The following LARGE1 variants were observed in gnomAD, a reference collection of about 807,000 sequenced individuals.
The protein encoded by LARGE1 is LARGE xylosyl- and glucuronyltransferase 1.
In LARGE1, 43 loss-of-function variants were observed where a neutral mutation model predicts 87.6. The observed-to-expected ratio is 0.49, with a 90% CI of 0.38 to 0.63. The LOEUF is 0.63. Ranked by LOEUF, LARGE1 falls within the 30% of genes least tolerant of loss-of-function variation. The probability of loss-of-function intolerance (pLI) is 0.00; values close to 1 mark genes in which losing one functional copy is unlikely to be tolerated. For missense variants in LARGE1, 802 were observed against 1,000.2 expected (o/e 0.80, Z 2.67); for synonymous variants, 434 against 394.6 (o/e 1.10, Z -1.18).
chr22:33,102,293 C>G, the LARGE1 span, among the ~76,000 whole-genome samples: 1 of 150,862 alleles, frequency 6.6e-6, no homozygotes, highest in Middle Eastern at 3.5e-3. Flanking sequence ...CTCAGCCTCC[C>G]GAGTAGCTGG....
chr22:33,386,522 TG>T (rs1569116696), intron 7 of LARGE1, among the ~76,000 whole-genome samples: 1 of 147,838 alleles, frequency 6.8e-6, no homozygotes, highest in East Asian at 2.0e-4. Flanking sequence ...ATCAGCTCTC[TG>T]GGGGAAAAAA....
At chr22:33,119,131 ATGGC>A in the LARGE1 span, among the ~76,000 whole-genome samples, 1 of 152,164 alleles carries the variant, frequency 6.6e-6, no homozygotes, top group African/African-American at 2.4e-5. Context: ...TTTTAAAAAT[ATGGC>A]TGGCTTTTTC....
chr22:33,453,863 G>A (rs898776140), intron 6 of LARGE1, among the ~76,000 whole-genome samples: 2 of 152,226 alleles, frequency 1.3e-5, no homozygotes, highest in Admixed American at 6.5e-5. Flanking sequence ...TTTTCCTACT[G>A]CATTTTGAAC....
chr22:33,714,639 G>A (rs1228049812), intron 2 of LARGE1, among the ~76,000 whole-genome samples: 1 of 152,184 alleles, frequency 6.6e-6, no homozygotes, highest in Non-Finnish European at 1.5e-5. Flanking sequence ...CACTGCTCAG[G>A]TAAAACTGAC....
intron 7 of LARGE1, among the ~76,000 whole-genome samples, chr22:33,391,809 G>T (rs952128847): frequency 3.0e-5 from 4 of 132,696 alleles, no homozygotes; most frequent in Non-Finnish European, 6.1e-5. Flanking sequence ...TTGCACTGTC[G>T]CTCAGGCAGG....
chr22:33,904,435 T>C (rs1472790363), intron 1 of LARGE1, among the ~76,000 whole-genome samples: 1 of 152,208 alleles, frequency 6.6e-6, no homozygotes, highest in Non-Finnish European at 1.5e-5. Flanking sequence ...ATTACAGGTA[T>C]GAGCCACCGC....
At chr22:33,315,955 C>T (rs1936107909) in intron 11 of LARGE1, 130 bp downstream of exon 11, 5 of 1,071,852 alleles carry the variant, frequency 4.7e-6, no homozygotes, top group Non-Finnish European at 6.9e-6. Flanking sequence ...AGCCCATGTG[C>T]CATCTCTTCC....
chr22:33,626,422 T>G (rs1250412608), intron 3 of LARGE1, 96 bp from the exon 4 acceptor site: 1 of 918,004 alleles, frequency 1.1e-6, no homozygotes, highest in Non-Finnish European at 1.8e-6. Flanking sequence ...TGCCCTGATT[T>G]CTTGTTGGCA....
At chr22:33,781,692 A>C (rs1436304511) in intron 1 of LARGE1, among the ~76,000 whole-genome samples, 1 of 152,184 alleles carries the variant, frequency 6.6e-6, no homozygotes, top group Non-Finnish European at 1.5e-5. Flanking sequence ...CACCTAGCAA[A>C]TAATACTTAT....
intron 6 of LARGE1, among the ~76,000 whole-genome samples, chr22:33,524,878 T>C (rs1404253364): frequency 6.6e-6 from 1 of 152,178 alleles, no homozygotes; most frequent in Non-Finnish European, 1.5e-5. Context: ...GTTTATCTAC[T>C]GAATTAATCT....
At chr22:33,281,470 G>C (rs554743298) in intron 13 of LARGE1, among the ~76,000 whole-genome samples, 1 of 152,040 alleles carries the variant, frequency 6.6e-6, no homozygotes, top group African/African-American at 2.4e-5. Flanking sequence ...GACCTGGTAC[G>C]AATCCAGGCT....
chr22:33,228,663 C>A (rs576740498), intron 11 of LARGE1, among the ~76,000 whole-genome samples: 4 of 152,122 alleles, frequency 2.6e-5, no homozygotes, highest in African/African-American at 9.7e-5. Flanking sequence ...TTGCTCCTGG[C>A]CTTTATGCTG....
Position 33,616,230 on chromosome 22 carries a change from G to C in LARGE1, c.491+10014C>G, listed in dbSNP as rs550868810. Reference sequence around the variant, plus strand: ...ATAATAGTCAAGAAGTGGATGGCCGGGCACTGTGGCTCATGCCTGTAATCC... The same window carrying C: ...ATAATAGTCAAGAAGTGGATGGCCGCGCACTGTGGCTCATGCCTGTAATCC... On this transcript the variant is annotated intron_variant, in intron 4 of 14. Transcript: ENST00000397394. Among the ~76,000 whole-genome samples, 62 of 152,242 alleles carry C rather than the reference G, an allele frequency of 4.1e-4. 2 individuals carry two copies. In the South Asian group the frequency reaches 0.013, roughly 31 times the overall value.
chr22:33,083,644 C>T, the LARGE1 span, among the ~76,000 whole-genome samples: 4 of 152,082 alleles, frequency 2.6e-5, no homozygotes, highest in Non-Finnish European at 5.9e-5. Context: ...TAAATAAATG[C>T]TGAGATTTAA....
intron 1 of LARGE1, chr22:33,856,726 G>C (rs890985235): frequency 6.6e-6 from 1 of 152,162 alleles, no homozygotes; most frequent in Non-Finnish European, 1.5e-5. Context: ...CTTTGAAAAC[G>C]CTACACATCT....
the LARGE1 span, among the ~76,000 whole-genome samples, chr22:33,101,083 G>A: frequency 2.0e-5 from 3 of 152,136 alleles, no homozygotes; most frequent in Non-Finnish European, 4.4e-5. Context: ...GACCTGAGGT[G>A]ATCCGCCTGC....
intron 6 of LARGE1, among the ~76,000 whole-genome samples, chr22:33,466,995 T>A (rs2068645270): frequency 6.6e-6 from 1 of 152,154 alleles, no homozygotes; most frequent in Non-Finnish European, 1.5e-5. Context: ...TGAGCCAAGA[T>A]CGTGCCATTG....
intron 7 of LARGE1, among the ~76,000 whole-genome samples, chr22:33,390,806 G>A (rs1364765359): frequency 6.6e-6 from 1 of 151,354 alleles, no homozygotes; most frequent in Non-Finnish European, 1.5e-5. Context: ...CCATTCTTGT[G>A]CCTCAGCCTC....
chr22:33,650,590 C>G lies in LARGE1; in HGVS notation c.185G>C (p.Arg62Pro), dbSNP rs777156706. ...PRYTASSQRE[R>P]ESLEVRMREV... ...GCGCATGCGCACCTCCAGGCTCTCG[C>G]GCTCCCGCTGGCTGGAGGCCGTGTA... is the stretch of plus-strand genomic sequence containing the variant. The change falls in exon 3 of 15, where the codon CGC becomes CCC. Residue 62 changes from arginine to proline, a missense_variant. Physicochemically the swap from Arg to Pro is moderately radical, Grantham distance 103 (BLOSUM62 -2). Around this residue, in one of 2 missense-constraint regions of LARGE1, gnomAD observed 177 missense variants for 158.3 expected, o/e 1.12. Coordinates refer to ENST00000397394, the MANE Select transcript of LARGE1 (RefSeq NM_133642.5). 1.9e-6 allele frequency: 3 copies of G among 1,605,714 alleles called. No individual in the cohort carries two copies. Among genetic ancestry groups the G allele is most frequent in the East Asian group, 2.2e-5 (1 of 44,886 alleles).
Sources: allele counts gnomAD v4.1 joint callset (sites outside exome capture counted in the v4.1 genomes callset), GRCh38; gene constraint gnomAD v4.1.1; regional missense constraint gnomAD v4.1.1; transcripts MANE v1.5; gene names NCBI Gene and HGNC (gene_info 2026-07-23, HGNC 2026-07-21).